The following MYO5B variants were observed in gnomAD, a reference collection of about 807,000 sequenced individuals.
MYO5B encodes unconventional myosin-Vb.
Under a neutral mutation model 229.3 loss-of-function variants are expected in MYO5B, and 143 were observed. The ratio of observed to expected loss-of-function variants is 0.62; its 90% CI spans 0.54 to 0.72. The LOEUF is 0.72. Among genes scored for constraint, MYO5B ranks in the 30% least tolerant of loss-of-function variants. MYO5B has a pLI of 0.00. For missense variants in MYO5B, 2,321 were observed against 2,331.0 expected, an observed-to-expected ratio of 1.00 and a Z score of 0.09; for synonymous variants, 918 against 885.2, an observed-to-expected ratio of 1.04 and a Z score of -0.66.
chr18:50,079,100 A>T (rs1411903468), intron 1 of MYO5B, among the ~76,000 whole-genome samples: 1 of 152,256 alleles, frequency 6.6e-6, no homozygotes, highest in South Asian at 2.1e-4. Context: ...CACACAAAGG[A>T]AACTTCTGGG....
At chr18:49,891,994 G>C (rs1258463214) in intron 22 of MYO5B, among the ~76,000 whole-genome samples, 1 of 34 alleles carries the variant, frequency 0.029, no homozygotes, top group Non-Finnish European at 0.083. Flanking sequence ...CCACAGCCCT[G>C]CACCAAGTAA....
chr18:49,994,445 T>TAAACCC (rs1451998177), intron 5 of MYO5B, among the ~76,000 whole-genome samples: 1 of 152,184 alleles, frequency 6.6e-6, no homozygotes, highest in Admixed American at 6.5e-5. Flanking sequence ...ATATACACTT[T>TAAACCC]TACTTTAGGG....
chr18:49,911,555 T>C (rs1243432014), intron 18 of MYO5B, among the ~76,000 whole-genome samples: 1 of 152,248 alleles, frequency 6.6e-6, no homozygotes, highest in Admixed American at 6.5e-5. Context: ...AAGTGCGTTT[T>C]TACTTGGGAA....
chr18:49,837,582 T>C lies in MYO5B; in HGVS notation c.5073A>G (p.Ala1691=). Residue 1691 remains alanine, a synonymous_variant, in exon 37 of 40, where the codon GCA becomes GCG. Transcript: ENST00000285039. ...VFKQLFYMIN[A]VTLNNLLLRK... is the part of the protein sequence containing the mutation. Reference sequence around the variant, plus strand: ...GCAAGAGCAGGTTGTTAAGAGTCACTGCGTTGATCATGTAGAAGAGCTGTT... The same window carrying C: ...GCAAGAGCAGGTTGTTAAGAGTCACCGCGTTGATCATGTAGAAGAGCTGTT... 1 of 1,614,006 alleles carries C rather than the reference T, an allele frequency of 6.2e-7. No individual in the cohort carries two copies. The highest frequency in any genetic ancestry group is 8.5e-7 in the Non-Finnish European group (1 of 1,179,860).
At chr18:49,929,307 A>G (rs1324300614) in intron 17 of MYO5B, among the ~76,000 whole-genome samples, 1 of 152,230 alleles carries the variant, frequency 6.6e-6, no homozygotes, top group Non-Finnish European at 1.5e-5. Flanking sequence ...AAAAGCAGCC[A>G]AGAGGATGTG....
At chr18:50,124,176 C>T (rs145019105) in intron 1 of MYO5B, among the ~76,000 whole-genome samples, 2 of 152,308 alleles carry the variant, frequency 1.3e-5, no homozygotes, top group Non-Finnish European at 2.9e-5. Flanking sequence ...ATACATCCTC[C>T]GATAAGATGG....
At chr18:49,935,463 CATGGGTGG>C (rs2025239069) in intron 16 of MYO5B, among the ~76,000 whole-genome samples, 2 of 152,124 alleles carry the variant, frequency 1.3e-5, no homozygotes, top group Admixed American at 1.3e-4. Flanking sequence ...GATCAGGTCT[CATGGGTGG>C]ATGAGATAAC....
At chr18:49,848,699 T>C (rs1201130097) in intron 32 of MYO5B, among the ~76,000 whole-genome samples, 2 of 144,566 alleles carry the variant, frequency 1.4e-5, no homozygotes, top group African/African-American at 5.1e-5. Flanking sequence ...AAAGAGGGAG[T>C]GATAGGTCTT....
intron 2 of MYO5B, among the ~76,000 whole-genome samples, chr18:50,042,678 G>A (rs1418144505): frequency 2.0e-5 from 3 of 152,086 alleles, no homozygotes; most frequent in Non-Finnish European, 1.5e-5. Context: ...AGGATTCTTA[G>A]CAGGATTCTA....
At chr18:50,158,930 T>C (rs2032723027) in intron 1 of MYO5B, among the ~76,000 whole-genome samples, 2 of 152,172 alleles carry the variant, frequency 1.3e-5, no homozygotes, top group Non-Finnish European at 2.9e-5. Flanking sequence ...ACGCCTGTGC[T>C]ACCCTACACC....
chr18:49,851,862 T>C (rs1335340057), intron 31 of MYO5B, among the ~76,000 whole-genome samples: 1 of 152,190 alleles, frequency 6.6e-6, no homozygotes, highest in East Asian at 1.9e-4. Context: ...AGTAGGTGAA[T>C]ATACATCACC....
chr18:50,018,325 T>C (rs2026238692), intron 4 of MYO5B, among the ~76,000 whole-genome samples: 1 of 150,510 alleles, frequency 6.6e-6, no homozygotes, highest in Non-Finnish European at 1.5e-5. Flanking sequence ...GTCTAACTTA[T>C]GTTATAAAGA....
intron 15 of MYO5B, among the ~76,000 whole-genome samples, chr18:49,936,882 G>A (rs539716908): frequency 6.6e-6 from 1 of 152,232 alleles, no homozygotes; most frequent in South Asian, 2.1e-4. Context: ...CCCCACAGCA[G>A]GAGAAGTTGC....
intron 1 of MYO5B, among the ~76,000 whole-genome samples, chr18:50,087,445 C>A (rs565975787): frequency 6.6e-6 from 1 of 151,646 alleles, no homozygotes; most frequent in Non-Finnish European, 1.5e-5. Context: ...TGGTGGCACG[C>A]GCCTGTAATC....
intron 29 of MYO5B, among the ~76,000 whole-genome samples, chr18:49,860,855 G>T (rs550444555): frequency 1.3e-5 from 2 of 152,208 alleles, no homozygotes; most frequent in Non-Finnish European, 2.9e-5. Flanking sequence ...TGTAGGAAAC[G>T]CAGAGCAGCT....
At chr18:49,995,504 C>A (rs2025978479) in intron 5 of MYO5B, among the ~76,000 whole-genome samples, 1 of 151,906 alleles carries the variant, frequency 6.6e-6, no homozygotes, top group Non-Finnish European at 1.5e-5. Flanking sequence ...CGTGACCCAC[C>A]CATCTCGGGC....
intron 1 of MYO5B, among the ~76,000 whole-genome samples, chr18:50,070,189 T>G (rs909122634): frequency 2.0e-5 from 3 of 151,834 alleles, no homozygotes; most frequent in Non-Finnish European, 2.9e-5. Context: ...ATCTGCCTAA[T>G]TTTTTTGTAT....
intron 21 of MYO5B, among the ~76,000 whole-genome samples, chr18:49,901,214 C>A (rs1006919371): frequency 5.9e-5 from 9 of 152,222 alleles, no homozygotes; most frequent in African/African-American, 2.2e-4. Flanking sequence ...CTCTGTCCAG[C>A]AAGGCCAGCA....
chr18:50,124,735 C>T (rs1261211181), intron 1 of MYO5B, among the ~76,000 whole-genome samples: 2 of 151,966 alleles, frequency 1.3e-5, no homozygotes, highest in Middle Eastern at 3.2e-3. Context: ...CTCCACATCA[C>T]TGCTTGCAAT....
Sources: allele counts gnomAD v4.1 joint callset (sites outside exome capture counted in the v4.1 genomes callset), GRCh38; gene constraint gnomAD v4.1.1; transcripts MANE v1.5; gene names NCBI Gene and HGNC (gene_info 2026-07-23, HGNC 2026-07-21).